The following SBF2 variants were observed in gnomAD, a reference collection of about 807,000 sequenced individuals.
SBF2 encodes the protein myotubularin-related protein 13.
Under a neutral mutation model 225.2 loss-of-function variants are expected in SBF2, and 112 were observed. The ratio of observed to expected loss-of-function variants is 0.50; its 90% CI spans 0.43 to 0.58. The LOEUF is 0.58. Among genes scored for constraint, SBF2 ranks in the 20% least tolerant of loss-of-function variants. The pLI is 0.00. For synonymous variants in SBF2, 763 were observed against 773.3 expected (o/e 0.99, Z 0.22); for missense variants, 1,996 against 2,206.2 (o/e 0.90, Z 1.91).
chr11:10,053,265 A>C (rs1478348836), intron 2 of SBF2, among the ~76,000 whole-genome samples: 1 of 152,184 alleles, frequency 6.6e-6, no homozygotes, highest in Admixed American at 6.5e-5. Context: ...GTACTATATA[A>C]ATATTTCCAG....
At chr11:9,794,196 C>T (rs1034018975) in intron 33 of SBF2, among the ~76,000 whole-genome samples, 6 of 151,746 alleles carry the variant, frequency 4.0e-5, no homozygotes, top group Non-Finnish European at 8.8e-5. Context: ...CAAAACAAAA[C>T]AAAACAAAAT....
intron 10 of SBF2, 70 bp from the exon 11 acceptor site, chr11:9,993,173 G>C: frequency 8.9e-7 from 1 of 1,120,428 alleles, no homozygotes; most frequent in East Asian, 2.4e-5. Flanking sequence ...AGTCAAAAAG[G>C]TGAAAAGGGC....
At chr11:10,002,028 A>T (rs1306613367) in intron 7 of SBF2, among the ~76,000 whole-genome samples, 3 of 151,678 alleles carry the variant, frequency 2.0e-5, no homozygotes, top group African/African-American at 4.8e-5. Context: ...CATATCCCAT[A>T]AAAAAAACAG....
At chr11:10,038,757 T>A (rs1409897037) in intron 3 of SBF2, among the ~76,000 whole-genome samples, 1 of 151,890 alleles carries the variant, frequency 6.6e-6, no homozygotes, top group Non-Finnish European at 1.5e-5. Context: ...GACAATTTGA[T>A]GACACACCAA....
chr11:10,132,244 T>C (rs965230810), intron 2 of SBF2, among the ~76,000 whole-genome samples: 4 of 152,134 alleles, frequency 2.6e-5, no homozygotes, highest in Non-Finnish European at 2.9e-5. Context: ...ACCAAATATA[T>C]ATATTTGGTT....
chr11:9,831,161 C>T (rs1855374898), intron 27 of SBF2, among the ~76,000 whole-genome samples: 1 of 152,034 alleles, frequency 6.6e-6, no homozygotes, highest in South Asian at 2.1e-4. Context: ...CCACGCCTGG[C>T]TAATTTTTGT....
At chr11:10,227,267 A>G (rs1477263821) in intron 1 of SBF2, among the ~76,000 whole-genome samples, 1 of 152,094 alleles carries the variant, frequency 6.6e-6, no homozygotes, top group Non-Finnish European at 1.5e-5. Context: ...CCCATTCTGT[A>G]GGTTGCCTGT....
intron 29 of SBF2, 130 bp from the exon 30 acceptor site, chr11:9,812,838 A>G (rs1590140615): frequency 1.1e-6 from 1 of 869,620 alleles, no homozygotes; most frequent in East Asian, 2.6e-5. Context: ...CAATGGGTCA[A>G]GAAAGTCAAT....
intron 18 of SBF2, 86 bp downstream of exon 18, chr11:9,858,138 TAG>T (rs1213808147): frequency 2.7e-6 from 4 of 1,457,736 alleles, no homozygotes; most frequent in Non-Finnish European, 3.8e-6. Context: ...AGGAAGTAGC[TAG>T]AGTTTTTTTT....
chr11:10,105,094 C>T (rs961174227), intron 2 of SBF2, among the ~76,000 whole-genome samples: 9 of 152,068 alleles, frequency 5.9e-5, no homozygotes, highest in African/African-American at 2.2e-4. Context: ...ATAATGCTGG[C>T]CTTATAATTA....
intron 2 of SBF2, among the ~76,000 whole-genome samples, chr11:10,182,260 C>T (rs1409102746): frequency 1.3e-5 from 2 of 152,116 alleles, no homozygotes; most frequent in Non-Finnish European, 2.9e-5. Flanking sequence ...AAAATTCATT[C>T]CTTACGTACC....
At chr11:10,222,875 T>A (rs1958391475) in intron 1 of SBF2, among the ~76,000 whole-genome samples, 1 of 152,136 alleles carries the variant, frequency 6.6e-6, no homozygotes, top group Non-Finnish European at 1.5e-5. Context: ...ACACTAGGCA[T>A]AAATGGATTA....
chr11:10,057,948 CA>C (rs1274542055), intron 2 of SBF2, among the ~76,000 whole-genome samples: 2 of 152,118 alleles, frequency 1.3e-5, no homozygotes, highest in African/African-American at 4.8e-5. Context: ...AAGTCAGCTT[CA>C]AATAAAGACC....
At chr11:10,245,575 A>G (rs1373539737) in intron 1 of SBF2, among the ~76,000 whole-genome samples, 4 of 152,188 alleles carry the variant, frequency 2.6e-5, no homozygotes, top group Admixed American at 2.0e-4. Context: ...AGCCACTATA[A>G]GAAATTATGG....
intron 1 of SBF2, among the ~76,000 whole-genome samples, chr11:10,292,290 T>C (rs1158482707): frequency 6.6e-6 from 1 of 152,238 alleles, no homozygotes; most frequent in African/African-American, 2.4e-5. Context: ...TATTCTGGGA[T>C]GACAGGGCAT....
intron 1 of SBF2, among the ~76,000 whole-genome samples, chr11:10,256,764 C>G (rs1039182732): frequency 9.2e-5 from 14 of 152,200 alleles, no homozygotes; most frequent in Admixed American, 5.2e-4. Context: ...TCATCTCACA[C>G]CAGCCCCCAT....
At chr11:9,920,182 A>ATGTGTG (rs137939953) in intron 16 of SBF2, among the ~76,000 whole-genome samples, 16,105 of 146,848 alleles carry the variant, frequency 0.11, 1,006 homozygotes, top group Non-Finnish European at 0.13. Flanking sequence ...CAAATACTAT[A>ATGTGTG]TGTGTGTGTG....
intron 2 of SBF2, among the ~76,000 whole-genome samples, chr11:10,191,146 A>T (rs1167374805): frequency 6.6e-6 from 1 of 152,174 alleles, no homozygotes; most frequent in Non-Finnish European, 1.5e-5. Context: ...ACCATTATGG[A>T]AGGGGTAAGA....
intron 18 of SBF2, 24 bp from the exon 19 acceptor site, chr11:9,856,744 C>A: frequency 6.2e-7 from 1 of 1,609,336 alleles, no homozygotes; most frequent in Non-Finnish European, 8.5e-7. Context: ...CAACACAATC[C>A]AAAAGAGAAC....
Sources: gnomAD v4.1 joint callset for allele counts (sites outside exome capture counted in the v4.1 genomes callset) on GRCh38, gnomAD v4.1.1 for gene constraint, MANE v1.5 for transcripts, NCBI Gene and HGNC (gene_info 2026-07-23, HGNC 2026-07-21) for gene names.